ZC2HC1B: variants seen among roughly 807,000 people sequenced by gnomAD.
ZC2HC1B encodes zinc finger C2HC-type containing 1B.
ZC2HC1B carries 36 observed loss-of-function variants against 31.0 expected under a neutral mutation model. That is an observed-to-expected ratio of 1.16 (90% CI 0.89 to 1.54). ZC2HC1B has a LOEUF of 1.54. Ranked by LOEUF, ZC2HC1B falls within the 40% of genes most tolerant of loss-of-function variation. The pLI, the probability that ZC2HC1B is intolerant of heterozygous loss-of-function variation, is 0.00. For missense variants in ZC2HC1B, 260 were observed against 268.6 expected, an observed-to-expected ratio of 0.97 and a Z score of 0.22; for synonymous variants, 73 against 88.0, an observed-to-expected ratio of 0.83 and a Z score of 0.95.
rs958848132 is a variant in ZC2HC1B at position 143,923,304 on chromosome 6, T to TA, written c.599-14339dup. ...CCTCAGGTATATGTGTTGTGTTAGA[T>TA]AAAAAACACAAAAAGTTGTTTGAGT... On this transcript the variant is annotated intron_variant, in intron 6 of 7. Transcript: ENST00000237275. This position sits in a 1 kb window ranked among gnomAD's most constrained non-coding sequence, Gnocchi z 4.8. 6.6e-6 allele frequency among the ~76,000 whole-genome samples: 1 copy of TA among 152,124 alleles called. No homozygotes were observed. Among genetic ancestry groups the TA allele is most frequent in the Non-Finnish European group, 1.5e-5 (1 of 67,978 alleles).
chr6:143,925,292 C>T (rs1231309629), intron 6 of ZC2HC1B, among the ~76,000 whole-genome samples: 1 of 149,816 alleles, frequency 6.7e-6, no homozygotes, highest in Non-Finnish European at 1.5e-5. Flanking sequence ...TCTCCTGCGT[C>T]AGCCTCCCGA....
chr6:143,878,973 G>A (rs1777437846), intron 1 of ZC2HC1B, among the ~76,000 whole-genome samples: 2 of 152,284 alleles, frequency 1.3e-5, no homozygotes, highest in Middle Eastern at 6.8e-3. Context: ...TAGAGACAGG[G>A]AAGGGCATTT....
intron 1 of ZC2HC1B, among the ~76,000 whole-genome samples, chr6:143,882,538 A>G (rs564533300): frequency 1.6e-4 from 25 of 151,744 alleles, no homozygotes; most frequent in African/African-American, 5.6e-4. Flanking sequence ...CTTCCTGTTA[A>G]CTAGGGCTTC....
intron 6 of ZC2HC1B, among the ~76,000 whole-genome samples, chr6:143,932,576 A>C (rs759053245): frequency 6.6e-6 from 1 of 152,054 alleles, no homozygotes; most frequent in Non-Finnish European, 1.5e-5. Flanking sequence ...TTGTCTTTGA[A>C]ATTTATTTAA....
At chr6:143,907,628 T>C (rs931289495) in intron 6 of ZC2HC1B, among the ~76,000 whole-genome samples, 1 of 152,210 alleles carries the variant, frequency 6.6e-6, no homozygotes, top group Admixed American at 6.5e-5. Flanking sequence ...AATGAAGTTG[T>C]TTTTATCTTT....
At chr6:143,893,844 A>G (rs954282653) in intron 4 of ZC2HC1B, among the ~76,000 whole-genome samples, 8 of 151,480 alleles carry the variant, frequency 5.3e-5, no homozygotes, top group South Asian at 4.2e-4. Flanking sequence ...CCACCACCAC[A>G]CCCAGCTAAT....
At chr6:143,897,116 A>G (rs1354287186) in intron 4 of ZC2HC1B, among the ~76,000 whole-genome samples, 1 of 152,110 alleles carries the variant, frequency 6.6e-6, no homozygotes, top group East Asian at 1.9e-4. Flanking sequence ...TTGTTCAAAT[A>G]GGAAACTCCC....
Position 143,913,259 on chromosome 6 carries a change from G to A in ZC2HC1B, c.598+10107G>A, listed in dbSNP as rs1463078677. ...AGTGAGGAAGAAGCAGTCTGGCTGT[G>A]ATCTGGCAAAGCTGCTGTGTTGTAC... On this transcript the variant is annotated intron_variant, in intron 6 of 7. Transcript: ENST00000237275. This position sits in a 1 kb window ranked among gnomAD's most constrained non-coding sequence, Gnocchi z 5.7. 6.6e-6 allele frequency among the ~76,000 whole-genome samples: 1 copy of A among 152,224 alleles called. No individual in the cohort carries two copies. Among genetic ancestry groups the A allele is most frequent in the Non-Finnish European group, 1.5e-5 (1 of 68,042 alleles).
Position 143,871,311 on chromosome 6 carries a change from C to T in ZC2HC1B, c.28+6744C>T, listed in dbSNP as rs950003976. Reference sequence around the variant, plus strand: ...GAAGCAAAAAGTGATCAAGGTCTCTCTGAATAAGATTATGACACAAAGCCA... The same window carrying T: ...GAAGCAAAAAGTGATCAAGGTCTCTTTGAATAAGATTATGACACAAAGCCA... On this transcript the variant is annotated intron_variant, in intron 1 of 7. Transcript: ENST00000237275. The surrounding 1 kb of genome is among the most constrained non-coding windows in gnomAD (Gnocchi z 4.1). 1.3e-5 allele frequency among the ~76,000 whole-genome samples: 2 copies of T among 152,176 alleles called. No homozygotes were observed. Among genetic ancestry groups the T allele is most frequent in the African/African-American group, 4.8e-5 (2 of 41,448 alleles).
chr6:143,927,121 G>A (rs1778062912), intron 6 of ZC2HC1B, among the ~76,000 whole-genome samples: 2 of 151,708 alleles, frequency 1.3e-5, no homozygotes, highest in South Asian at 2.1e-4. Flanking sequence ...CTTACCGAAC[G>A]AATCCCTTTA....
intron 5 of ZC2HC1B, among the ~76,000 whole-genome samples, chr6:143,902,027 G>T (rs186758450): frequency 1.3e-5 from 2 of 152,288 alleles, no homozygotes; most frequent in Admixed American, 1.3e-4. Flanking sequence ...AAGGCCAGCT[G>T]GCTGTCAGTG....
intron 6 of ZC2HC1B, among the ~76,000 whole-genome samples, chr6:143,927,596 G>A (rs1778068284): frequency 6.6e-6 from 1 of 151,630 alleles, no homozygotes; most frequent in Non-Finnish European, 1.5e-5. Flanking sequence ...CTAGTGCTGT[G>A]ATAAACATGA....
intron 1 of ZC2HC1B, among the ~76,000 whole-genome samples, chr6:143,879,325 T>C (rs1023260123): frequency 2.0e-5 from 3 of 152,242 alleles, no homozygotes; most frequent in Admixed American, 2.0e-4. Flanking sequence ...CCTATGTTTC[T>C]ATGTCCCTTT....
In ZC2HC1B at chr6:143,899,234, A is replaced by G. The variant is rs1371190978; in HGVS notation, c.489+543A>G. On this transcript the variant is annotated intron_variant, in intron 5 of 7. Coordinates refer to ENST00000237275, the MANE Select transcript of ZC2HC1B (RefSeq NM_001013623.3). The surrounding 1 kb of genome is among the most constrained non-coding windows in gnomAD (Gnocchi z 5.0). ...GAAGTGGAAGACAGTAGATTTATAA[A>G]CCACAGAACTGGAGCCAGCAAACAG... Among the ~76,000 whole-genome samples the G allele has an allele frequency of 2.6e-5, 4 of 152,236 alleles. No individual in the cohort carries two copies. The highest frequency in any genetic ancestry group is 5.9e-5 in the Non-Finnish European group (4 of 68,040).
chr6:143,907,659 G>A (rs554538305), intron 6 of ZC2HC1B, among the ~76,000 whole-genome samples: 65 of 152,198 alleles, frequency 4.3e-4, no homozygotes, highest in Admixed American at 1.1e-3. Flanking sequence ...TAAGTTCCTT[G>A]TAGATGCTAC....
rs1350650820 is a variant in ZC2HC1B, at chr6:143,886,319, T to C, written c.210+168T>C. Among the ~76,000 whole-genome samples the C allele has an allele frequency of 5.9e-5, 9 of 152,378 alleles. No homozygotes were observed. The East Asian group carries it at 9.6e-4, about 16-fold the overall frequency. ...TCTTGCTCACTTAGATTTCCAGATATACTTCAGATATTTTCCAGATGTAGC... is the reference window on the plus strand; with the variant it reads ...TCTTGCTCACTTAGATTTCCAGATACACTTCAGATATTTTCCAGATGTAGC... On this transcript the variant is annotated intron_variant, in intron 3 of 7. Coordinates refer to ENST00000237275, the MANE Select transcript of ZC2HC1B (RefSeq NM_001013623.3). The surrounding 1 kb of genome is among the most constrained non-coding windows in gnomAD (Gnocchi z 4.2).
intron 6 of ZC2HC1B, among the ~76,000 whole-genome samples, chr6:143,914,881 T>A (rs943255320): frequency 6.6e-6 from 1 of 152,194 alleles, no homozygotes; most frequent in African/African-American, 2.4e-5. Flanking sequence ...TCAATTTCAA[T>A]CTATTTTTGT....
intron 6 of ZC2HC1B, among the ~76,000 whole-genome samples, chr6:143,937,086 G>A (rs1481700032): frequency 6.6e-6 from 1 of 152,062 alleles, no homozygotes; most frequent in Non-Finnish European, 1.5e-5. Context: ...TGTCCCCTAC[G>A]ATGTGGTCAA....
chr6:143,917,093 T>C lies in ZC2HC1B; in HGVS notation c.598+13941T>C, dbSNP rs2128496550. On this transcript the variant is annotated intron_variant, in intron 6 of 7. Transcript: ENST00000237275. The surrounding 1 kb of genome is among the most constrained non-coding windows in gnomAD (Gnocchi z 4.1). ...GACCCAGTGGGAGGTAACTGAATCA[T>C]GGGGGCAAGTCTTTCCTGTGCTATT... Among the ~76,000 whole-genome samples, 1 of 152,302 alleles carries C rather than the reference T, an allele frequency of 6.6e-6. No homozygotes were observed. The highest frequency in any genetic ancestry group is 1.9e-4 in the East Asian group (1 of 5,182).
Sources: gnomAD v4.1 joint callset for allele counts (sites outside exome capture counted in the v4.1 genomes callset) on GRCh38, gnomAD v4.1.1 for gene constraint, Gnocchi (gnomAD v3.1) non-coding constraint, MANE v1.5 for transcripts, NCBI Gene and HGNC (gene_info 2026-07-23, HGNC 2026-07-21) for gene names.